The following AGO2 variants were observed in gnomAD, a reference collection of about 807,000 sequenced individuals.
The protein encoded by AGO2 is protein argonaute-2.
A neutral mutation model predicts 102.3 loss-of-function variants in AGO2; 5 were observed. The ratio of observed to expected loss-of-function variants is 0.05; its 90% CI spans 0.03 to 0.10. The LOEUF is 0.10. AGO2 is among the 10% of genes least tolerant of loss of function. The probability of loss-of-function intolerance (pLI) is 1.00; values close to 1 mark genes in which losing one functional copy is unlikely to be tolerated. For missense variants in AGO2, 541 were observed against 1,183.7 expected (o/e 0.46, Z 7.97); for synonymous variants, 449 against 473.1 (o/e 0.95, Z 0.66).
chr8:140,616,115 G>C (rs2074140162), intron 1 of AGO2, among the ~76,000 whole-genome samples: 1 of 152,148 alleles, frequency 6.6e-6, no homozygotes, highest in African/African-American at 2.4e-5. Context: ...TTGTAACCAA[G>C]CCCGTGAGGC....
intron 1 of AGO2, among the ~76,000 whole-genome samples, chr8:140,614,649 G>A (rs2074118894): frequency 6.6e-6 from 1 of 152,208 alleles, no homozygotes; most frequent in Non-Finnish European, 1.5e-5. Context: ...AACCAGACCA[G>A]GAGCCACACG....
In AGO2 at chr8:140,589,251, C is replaced by T. The variant is rs745630865; in HGVS notation, c.23-3940G>A. ...AAAGTGCAGGCCTGCCAGGATTCCCCGCAGACGTGTACCCTGAGGCGGGGA... is the reference window on the plus strand; with the variant it reads ...AAAGTGCAGGCCTGCCAGGATTCCCTGCAGACGTGTACCCTGAGGCGGGGA... On this transcript the variant is annotated intron_variant, in intron 1 of 18. Coordinates refer to ENST00000220592, the MANE Select transcript of AGO2 (RefSeq NM_012154.5). This position sits in a 1 kb window ranked among gnomAD's most constrained non-coding sequence, Gnocchi z 4.2. Among the ~76,000 whole-genome samples, 16 of 152,144 alleles carry T rather than the reference C, an allele frequency of 1.1e-4. 1 individual carries two copies. The highest frequency in any genetic ancestry group is 4.8e-5 in the African/African-American group (2 of 41,430).
At chr8:140,633,527 C>A (rs762570636) in intron 1 of AGO2, among the ~76,000 whole-genome samples, 1 of 152,190 alleles carries the variant, frequency 6.6e-6, no homozygotes, top group Non-Finnish European at 1.5e-5. Context: ...TCATGAGGGC[C>A]AAGGTACGCT....
At chr8:140,641,295 A>AACACACACACACACACAC in the AGO2 span, among the ~76,000 whole-genome samples, 3 of 146,980 alleles carry the variant, frequency 2.0e-5, no homozygotes, top group African/African-American at 7.5e-5. Flanking sequence ...GCTGTCTCAA[A>AACACACACACACACACAC]ACACACACAC....
chr8:140,549,697 C>A (rs1393866122), intron 11 of AGO2, among the ~76,000 whole-genome samples: 2 of 152,256 alleles, frequency 1.3e-5, no homozygotes, highest in Non-Finnish European at 2.9e-5. Flanking sequence ...CACGTGCAGG[C>A]CAGGCACTGT....
At chr8:140,569,978 G>A (rs925331983) in intron 3 of AGO2, among the ~76,000 whole-genome samples, 2 of 152,150 alleles carry the variant, frequency 1.3e-5, no homozygotes, top group African/African-American at 2.4e-5. Context: ...AGTGAGGCAC[G>A]AAAAAGTACT....
intron 13 of AGO2, 95 bp from the exon 14 acceptor site, chr8:140,544,398 T>C: frequency 2.0e-6 from 2 of 994,672 alleles, no homozygotes; most frequent in Non-Finnish European, 3.0e-6. Flanking sequence ...GTGGTCAGTG[T>C]ATCATGGTAA....
intron 10 of AGO2, among the ~76,000 whole-genome samples, chr8:140,554,198 G>C (rs1430954833): frequency 6.6e-6 from 1 of 152,230 alleles, no homozygotes; most frequent in East Asian, 1.9e-4. Flanking sequence ...TGCCCTCCCG[G>C]GGCGTCTCCT....
At chr8:140,602,894 G>C (rs941501666) in intron 1 of AGO2, among the ~76,000 whole-genome samples, 1 of 152,178 alleles carries the variant, frequency 6.6e-6, no homozygotes. Flanking sequence ...GAAGAGAGAC[G>C]AGCTCACAGT....
At position 140,529,380 on chromosome 8, in the gene AGO2, C is replaced by T. The variant is rs1425395553; in HGVS notation, c.*2664G>A. 3.9e-5 allele frequency: 6 copies of T among 152,152 alleles called. No individual in the cohort carries two copies. Among genetic ancestry groups the T allele is most frequent in the Non-Finnish European group, 4.4e-5 (3 of 68,036 alleles). 9.4% of individuals were successfully genotyped at this position (152,152 alleles called of 1,614,324 possible). On this transcript the variant is annotated 3_prime_UTR_variant, in exon 19 of 19. Coordinates refer to ENST00000220592, the MANE Select transcript of AGO2 (RefSeq NM_012154.5). ...AGGGATTGGTAAAAATTTGAGAAAA[C>T]AATTGTTTACCTGAGAAATTGTAAC...
At chr8:140,636,101 C>T (rs1376806837), upstream of AGO2, among the ~76,000 whole-genome samples, 1 of 151,646 alleles carries the variant, frequency 6.6e-6, no homozygotes, top group Non-Finnish European at 1.5e-5. Flanking sequence ...CCACCCTCAG[C>T]CCCTCGGCCC....
At chr8:140,603,016 G>A (rs140088103) in intron 1 of AGO2, among the ~76,000 whole-genome samples, 4 of 152,316 alleles carry the variant, frequency 2.6e-5, no homozygotes, top group Non-Finnish European at 5.9e-5. Flanking sequence ...TGTTCTGGCC[G>A]CATCTTTTAT....
intron 1 of AGO2, among the ~76,000 whole-genome samples, chr8:140,606,106 A>G (rs2073994799): frequency 6.6e-6 from 1 of 152,220 alleles, no homozygotes; most frequent in African/African-American, 2.4e-5. Flanking sequence ...AAGGTCTACT[A>G]TAAGTAAGGT....
Position 140,520,845 on chromosome 8 carries a change from GCCT to G in AGO2, c.*11196_*11198del, listed in dbSNP as rs1485213113. Reference sequence around the variant, plus strand: ...TTGTCTGCTTATAAACACAGTGTCTGCCTCCTCAGGTGTATTTGGCTAAAGTAT... The same window carrying G: ...TTGTCTGCTTATAAACACAGTGTCTGCCTCAGGTGTATTTGGCTAAAGTAT... On this transcript the variant is annotated 3_prime_UTR_variant, in exon 19 of 19. Coordinates refer to ENST00000220592, the MANE Select transcript of AGO2 (RefSeq NM_012154.5). 6.6e-6 allele frequency: 1 copy of G among 152,186 alleles called. No homozygotes were observed. Among genetic ancestry groups the G allele is most frequent in the Non-Finnish European group, 1.5e-5 (1 of 68,034 alleles). 9.4% of individuals were successfully genotyped at this position (152,186 alleles called of 1,614,324 possible).
At chr8:140,583,759 C>A (rs1048190963) in intron 2 of AGO2, among the ~76,000 whole-genome samples, 1 of 152,130 alleles carries the variant, frequency 6.6e-6, no homozygotes, top group Non-Finnish European at 1.5e-5. Context: ...CCTGTAATCC[C>A]AGCTACTTGG....
intron 1 of AGO2, among the ~76,000 whole-genome samples, chr8:140,629,063 A>G (rs555066956): frequency 1.2e-4 from 19 of 152,228 alleles, no homozygotes; most frequent in African/African-American, 4.6e-4. Flanking sequence ...TGCCCTCCAG[A>G]CTGGGCAACA....
chr8:140,608,478 C>T (rs2074033677), intron 1 of AGO2, among the ~76,000 whole-genome samples: 1 of 152,264 alleles, frequency 6.6e-6, no homozygotes. Context: ...CGGCCCCATG[C>T]CCCCTCCCAG....
chr8:140,547,392 G>A lies in AGO2; in HGVS notation c.1748+76C>T, dbSNP rs546154738. On this transcript the variant is annotated intron_variant, in intron 13 of 18. Coordinates refer to ENST00000220592, the MANE Select transcript of AGO2 (RefSeq NM_012154.5). ...AAGGGACCCTGCCCCCCTGCCCCCT[G>A]CATACTGCACCCCACCCTGCCAAGC... 1.6e-4 allele frequency: 244 copies of A among 1,553,746 alleles called. 3 individuals are homozygous for A. The African/African-American group carries it at 2.7e-3, about 17-fold the overall frequency.
At chr8:140,602,138 CTA>C (rs1564110783) in intron 1 of AGO2, among the ~76,000 whole-genome samples, 1 of 152,212 alleles carries the variant, frequency 6.6e-6, no homozygotes, top group Non-Finnish European at 1.5e-5. Context: ...TCCCTAGTCA[CTA>C]TGTTTTCCAC....
Sources: gnomAD v4.1 joint callset for allele counts (sites outside exome capture counted in the v4.1 genomes callset) on GRCh38, gnomAD v4.1.1 for gene constraint, Gnocchi (gnomAD v3.1) non-coding constraint, MANE v1.5 for transcripts, NCBI Gene and HGNC (gene_info 2026-07-23, HGNC 2026-07-21) for gene names.